Variants in LRRC66 observed in about 807,000 individuals in gnomAD.
LRRC66 encodes leucine-rich repeat-containing protein 66.
Under a neutral mutation model 24.6 loss-of-function variants are expected in LRRC66, and 29 were observed. The observed-to-expected ratio is 1.18, with a 90% CI of 0.88 to 1.61. The LOEUF (loss-of-function observed/expected upper bound fraction) is 1.61, where lower values mean the gene tolerates loss of function less well. Among genes scored for constraint, LRRC66 ranks in the 40% most tolerant of loss-of-function variants. LRRC66 has a pLI of 0.00. For synonymous variants in LRRC66, 411 were observed against 397.6 expected (o/e 1.03, Z -0.40); for missense variants, 1,124 against 1,058.0 (o/e 1.06, Z -0.87).
At chr4:51,996,906 T>C (rs1427511516) in intron 4 of LRRC66, among the ~76,000 whole-genome samples, 1 of 152,208 alleles carries the variant, frequency 6.6e-6, no homozygotes, top group Non-Finnish European at 1.5e-5. Context: ...TATTCAGTTT[T>C]CTTTACTGGT....
rs1248808170 is a variant in LRRC66 at position 52,003,220 on chromosome 4, A to T, written c.666+3T>A. The T allele has an allele frequency of 6.2e-7, 1 of 1,602,876 alleles. No homozygotes were observed. The highest frequency in any genetic ancestry group is 1.3e-5 in the African/African-American group (1 of 74,314). ...TCAAATATTATAAAAATGATTTTAG[A>T]ACCTGTAATTTTTTGAGGTCCTTGA... is the stretch of plus-strand genomic sequence containing the variant. On this transcript the variant is annotated splice_donor_region_variant and intron_variant, in intron 3 of 4. Transcript: ENST00000682860.
intron 2 of LRRC66, among the ~76,000 whole-genome samples, chr4:52,007,865 G>A (rs1472717672): frequency 6.6e-6 from 1 of 152,138 alleles, no homozygotes; most frequent in Non-Finnish European, 1.5e-5. Context: ...ATCTGAATGA[G>A]GGCCTTGTGG....
rs1736346834 is a variant in LRRC66 at position 51,997,478 on chromosome 4, C to A, written c.856+270G>T. 2.0e-5 allele frequency among the ~76,000 whole-genome samples: 3 copies of A among 152,176 alleles called. No individual in the cohort carries two copies. The South Asian group carries it at 6.2e-4, about 32-fold the overall frequency. On this transcript the variant is annotated intron_variant, in intron 4 of 4. Transcript: ENST00000682860. ...TGGTGTGTCAGAACAAAACTCACTTCTAGTGGAATTCCTCCTTTTCACCAA... is the reference window on the plus strand; with the variant it reads ...TGGTGTGTCAGAACAAAACTCACTTATAGTGGAATTCCTCCTTTTCACCAA...
chr4:52,013,165 A>G (rs1031961449), intron 2 of LRRC66, among the ~76,000 whole-genome samples: 3 of 152,204 alleles, frequency 2.0e-5, no homozygotes, highest in Non-Finnish European at 4.4e-5. Context: ...AGTTTTGAGT[A>G]CATTGCTTAT....
At chr4:52,016,565 T>C (rs1201079274) in intron 2 of LRRC66, among the ~76,000 whole-genome samples, 3 of 152,164 alleles carry the variant, frequency 2.0e-5, no homozygotes, top group Non-Finnish European at 4.4e-5. Context: ...TTGGAGGCTA[T>C]CTGGAGTACC....
intron 2 of LRRC66, among the ~76,000 whole-genome samples, chr4:52,014,329 A>C (rs1182033447): frequency 6.6e-6 from 1 of 152,224 alleles, no homozygotes; most frequent in Non-Finnish European, 1.5e-5. Context: ...TGTTATTCTC[A>C]ATTTATGCCA....
At chr4:52,008,154 G>A (rs1736625954) in intron 2 of LRRC66, among the ~76,000 whole-genome samples, 2 of 152,152 alleles carry the variant, frequency 1.3e-5, no homozygotes, top group African/African-American at 4.8e-5. Flanking sequence ...TGATAGGCTA[G>A]ATGGCTTCCC....
chr4:52,004,877 A>C (rs1461025634), intron 2 of LRRC66, among the ~76,000 whole-genome samples: 1 of 152,236 alleles, frequency 6.6e-6, no homozygotes, highest in Non-Finnish European at 1.5e-5. Context: ...GGTGCTGAGG[A>C]CAAGTATGGA....
chr4:52,011,257 G>A (rs1736693443), intron 2 of LRRC66, among the ~76,000 whole-genome samples: 1 of 152,198 alleles, frequency 6.6e-6, no homozygotes, highest in Non-Finnish European at 1.5e-5. Context: ...ATGGTCCTGG[G>A]TAAGATATTT....
rs1291699293 is a variant in LRRC66, at chr4:51,994,366, TA to T, written c.*12del. On this transcript the variant is annotated 3_prime_UTR_variant, in exon 5 of 5. Coordinates refer to ENST00000682860, the MANE Select transcript of LRRC66 (RefSeq NM_001024611.3). ...TTGTTTAGAGCTGTGAATATTTCCT[TA>T]ATGAAAGATTCTTATTTTAAAATGT... 7.5e-6 allele frequency: 12 copies of T among 1,592,262 alleles called. No homozygotes were observed. Among genetic ancestry groups the T allele is most frequent in the Non-Finnish European group, 1.0e-5 (12 of 1,169,194 alleles).
chr4:52,019,636 A>C (rs1211538851), intron 1 of LRRC66, among the ~76,000 whole-genome samples: 1 of 152,216 alleles, frequency 6.6e-6, no homozygotes, highest in Non-Finnish European at 1.5e-5. Flanking sequence ...CTTCTTATGC[A>C]ATACTAGAAA....
chr4:51,995,188 A>G lies in LRRC66; in HGVS notation c.1834T>C (p.Ser612Pro), dbSNP rs953676701. The stretch of plus-strand genomic sequence containing the variant: ...AATTCCATCTGCGAGTCCCAAAGTG[A>G]CTGTTCAGTGCCCCCTCTTTCCTTA... Reference protein sequence around the residue: ...DSKERGGTEQSLWDSQMEFSK... With the variant: ...DSKERGGTEQPLWDSQMEFSK... Residue 612 changes from serine (S) to proline (P), a missense_variant, in exon 5 of 5, where the codon TCA becomes CCA. Ser to Pro is a moderately conservative substitution (Grantham distance 74). Coordinates refer to ENST00000682860, the MANE Select transcript of LRRC66 (RefSeq NM_001024611.3). The G allele has an allele frequency of 2.5e-6, 4 of 1,614,130 alleles. No individual in the cohort carries two copies. Among genetic ancestry groups the G allele is most frequent in the Non-Finnish European group, 3.4e-6 (4 of 1,180,020 alleles).
intron 1 of LRRC66, among the ~76,000 whole-genome samples, chr4:52,018,814 A>T (rs1342873771): frequency 6.6e-6 from 1 of 152,192 alleles, no homozygotes; most frequent in Non-Finnish European, 1.5e-5. Flanking sequence ...AGAATGATCT[A>T]TGCATATCGC....
At chr4:51,998,545 C>G (rs1736375629) in intron 3 of LRRC66, among the ~76,000 whole-genome samples, 2 of 152,212 alleles carry the variant, frequency 1.3e-5, no homozygotes, top group African/African-American at 4.8e-5. Flanking sequence ...CACCTGACCT[C>G]AGAGAGAGAT....
In LRRC66 at chr4:52,003,291, G is replaced by C. The variant is rs373827246; in HGVS notation, c.598C>G (p.Leu200Val). The C allele has an allele frequency of 6.2e-6, 10 of 1,613,782 alleles. No homozygotes were observed. Among genetic ancestry groups the C allele is most frequent in the Non-Finnish European group, 6.8e-6 (8 of 1,179,890 alleles). Residue 200 changes from leucine (L) to valine (V), a missense_variant, in exon 3 of 5, where the codon CTC (leucine) becomes GTC (valine). Leu to Val is a conservative substitution (Grantham distance 32). Coordinates refer to ENST00000682860, the MANE Select transcript of LRRC66 (RefSeq NM_001024611.3). ...DFHNCLQLEN[L>V]CLKSNKIFKI... Reference sequence around the variant, plus strand: ...AATATCTTGTTGCTCTTTAAACAGAGATTCTCCAGTTGCAGGCAGTTGTGA... The same window carrying C: ...AATATCTTGTTGCTCTTTAAACAGACATTCTCCAGTTGCAGGCAGTTGTGA...
At chr4:51,997,645 C>G in intron 4 of LRRC66, 103 bp downstream of exon 4, 1 of 1,053,480 alleles carries the variant, frequency 9.5e-7, no homozygotes, top group Non-Finnish European at 1.4e-6. Flanking sequence ...AGGATCAGCA[C>G]TTTTGCTTTC....
intron 2 of LRRC66, among the ~76,000 whole-genome samples, chr4:52,006,289 T>A (rs2110198423): frequency 6.6e-6 from 1 of 152,098 alleles, no homozygotes; most frequent in Non-Finnish European, 1.5e-5. Context: ...TAGCAAAGAC[T>A]TGGAACCAAC....
chr4:52,000,440 T>C lies in LRRC66; in HGVS notation c.667-2503A>G, dbSNP rs369001722. Among the ~76,000 whole-genome samples, 13 of 152,348 alleles carry C rather than the reference T, an allele frequency of 8.5e-5. No individual in the cohort carries two copies. The East Asian group carries it at 1.7e-3, about 20-fold the overall frequency. ...CAGACTCTAGGATGGTCCCCAGTGA[T>C]CCTGCCTCCTTGGTGATCAGGCCCT... On this transcript the variant is annotated intron_variant, in intron 3 of 4. Coordinates refer to ENST00000682860, the MANE Select transcript of LRRC66 (RefSeq NM_001024611.3).
At chr4:52,018,234 T>C (rs1736863922) in intron 1 of LRRC66, 2 of 985,322 alleles carry the variant, frequency 2.0e-6, no homozygotes, top group South Asian at 4.7e-5. Context: ...ATCAAATACA[T>C]GTTCTGGCTC....
Sources: allele counts gnomAD v4.1 joint callset (sites outside exome capture counted in the v4.1 genomes callset), GRCh38; gene constraint gnomAD v4.1.1; transcripts MANE v1.5; gene names NCBI Gene and HGNC (gene_info 2026-07-23, HGNC 2026-07-21).